The following RANBP9 variants were observed in gnomAD, a reference collection of about 807,000 sequenced individuals.
RANBP9 encodes ran-binding protein 9.
RANBP9 carries 15 observed loss-of-function variants against 84.3 expected under a neutral mutation model. That is an observed-to-expected ratio of 0.18 (90% CI 0.12 to 0.27). RANBP9 has a LOEUF of 0.27. Among genes scored for constraint, RANBP9 ranks in the 10% least tolerant of loss-of-function variants. RANBP9 has a pLI of 1.00. For missense variants in RANBP9, 809 were observed against 912.8 expected, an observed-to-expected ratio of 0.89 and a Z score of 1.46; for synonymous variants, 392 against 349.6, an observed-to-expected ratio of 1.12 and a Z score of -1.35.
chr6:13,648,055 C>T (rs1042602843), intron 5 of RANBP9, among the ~76,000 whole-genome samples: 7 of 151,204 alleles, frequency 4.6e-5, no homozygotes, highest in African/African-American at 7.3e-5. Flanking sequence ...CTGGCAACCA[C>T]TAATCTACTT....
intron 6 of RANBP9, 84 bp downstream of exon 6, chr6:13,644,461 A>G (rs766770159): frequency 1.2e-5 from 17 of 1,398,482 alleles, no homozygotes; most frequent in Non-Finnish European, 1.7e-5. Context: ...AGTGGATTAA[A>G]AAGCTTCTGT....
chr6:13,662,463 G>A (rs1014022887), intron 2 of RANBP9, among the ~76,000 whole-genome samples: 2 of 152,160 alleles, frequency 1.3e-5, no homozygotes, highest in East Asian at 1.9e-4. Flanking sequence ...CTGAATGCGT[G>A]TGTCCCCCAA....
At chr6:13,636,998 T>G (rs1322446148) in intron 10 of RANBP9, among the ~76,000 whole-genome samples, 1 of 152,108 alleles carries the variant, frequency 6.6e-6, no homozygotes, top group Non-Finnish European at 1.5e-5. Flanking sequence ...AACCAACTGG[T>G]TTGTTATAGA....
intron 2 of RANBP9, among the ~76,000 whole-genome samples, chr6:13,687,643 A>G (rs1183683299): frequency 2.6e-5 from 4 of 152,208 alleles, no homozygotes; most frequent in Non-Finnish European, 5.9e-5. Context: ...AATCAAGGAA[A>G]TAAAGACAGA....
At chr6:13,632,294 A>G in intron 12 of RANBP9, 76 bp downstream of exon 12, 2 of 1,460,044 alleles carry the variant, frequency 1.4e-6, no homozygotes, top group Non-Finnish European at 1.9e-6. Context: ...TTTCTGGTAC[A>G]CTGCTCAGTG....
intron 2 of RANBP9, among the ~76,000 whole-genome samples, chr6:13,686,427 G>C (rs1766191030): frequency 6.6e-6 from 1 of 151,866 alleles, no homozygotes; most frequent in Non-Finnish European, 1.5e-5. Context: ...CTGGGTACAG[G>C]AATGCGCCAC....
intron 2 of RANBP9, among the ~76,000 whole-genome samples, chr6:13,663,355 GAAAC>G (rs771146269): frequency 3.9e-5 from 6 of 151,988 alleles, no homozygotes; most frequent in Admixed American, 6.6e-5. Flanking sequence ...GAATAAAAGT[GAAAC>G]AAACACATTT....
At chr6:13,651,508 C>T (rs1273377413) in intron 5 of RANBP9, among the ~76,000 whole-genome samples, 6 of 151,972 alleles carry the variant, frequency 3.9e-5, no homozygotes, top group Non-Finnish European at 7.4e-5. Flanking sequence ...CATTCTCCTG[C>T]CTCAGCCTCC....
chr6:13,641,176 A>C (rs779582638), intron 8 of RANBP9, 23 bp downstream of exon 8: 2 of 1,290,906 alleles, frequency 1.5e-6, no homozygotes, highest in Admixed American at 4.3e-5. Context: ...TAACAAATAT[A>C]GCATTTTATT....
At chr6:13,674,487 G>A (rs371062145) in intron 2 of RANBP9, among the ~76,000 whole-genome samples, 7 of 152,160 alleles carry the variant, frequency 4.6e-5, no homozygotes, top group South Asian at 2.1e-4. Context: ...GTCAAGGGTC[G>A]TGATCAACTC....
At chr6:13,682,840 A>G (rs1766076855) in intron 2 of RANBP9, among the ~76,000 whole-genome samples, 1 of 152,242 alleles carries the variant, frequency 6.6e-6, no homozygotes, top group Admixed American at 6.5e-5. Flanking sequence ...GAGACTTTAA[A>G]ACTGATTTGG....
In RANBP9 at chr6:13,622,328, C is replaced by A; in HGVS notation, c.*34G>T. On this transcript the variant is annotated 3_prime_UTR_variant, in exon 14 of 14. Transcript: ENST00000011619. ...GGTCTACTTCCATGTTGACTATATGCCACAATATAAGTGTGAGCTCTTGAA... is the reference window on the plus strand; with the variant it reads ...GGTCTACTTCCATGTTGACTATATGACACAATATAAGTGTGAGCTCTTGAA... 6.8e-7 allele frequency: 1 copy of A among 1,467,528 alleles called. No homozygotes were observed. The highest frequency in any genetic ancestry group is 9.1e-7 in the Non-Finnish European group (1 of 1,102,868). The allele number at this position is 1,467,528 out of a possible 1,614,324, so 90.9% of individuals were successfully genotyped here. A position where few individuals can be genotyped will look rare whatever the true frequency, so the allele number is the denominator to read the frequency against.
chr6:13,658,756 A>G (rs766890114), intron 3 of RANBP9, 24 bp downstream of exon 3: 1 of 1,517,644 alleles, frequency 6.6e-7, no homozygotes, highest in East Asian at 2.3e-5. Context: ...AAGACATAAT[A>G]CTGTAATTCA....
intron 2 of RANBP9, among the ~76,000 whole-genome samples, chr6:13,682,960 G>C (rs1051626253): frequency 1.3e-5 from 2 of 152,152 alleles, no homozygotes; most frequent in Non-Finnish European, 2.9e-5. Flanking sequence ...CTAAAATCTA[G>C]GTGGTGTGTA....
intron 11 of RANBP9, 155 bp from the exon 12 acceptor site, chr6:13,632,676 A>G (rs1562297429): frequency 1.8e-5 from 13 of 702,944 alleles, no homozygotes; most frequent in Non-Finnish European, 3.0e-5. Context: ...TTTTAATATG[A>G]AACTGCAGCT....
intron 2 of RANBP9, among the ~76,000 whole-genome samples, chr6:13,677,643 A>G (rs544956868): frequency 2.1e-4 from 32 of 152,326 alleles, no homozygotes; most frequent in African/African-American, 7.2e-4. Context: ...GCACTTGTCT[A>G]TAATTCACAA....
intron 4 of RANBP9, among the ~76,000 whole-genome samples, chr6:13,656,345 C>A (rs1584926349): frequency 6.6e-6 from 1 of 151,498 alleles, no homozygotes; most frequent in East Asian, 1.9e-4. Flanking sequence ...AAGGTGAAAT[C>A]TTTTTTTATA....
At chr6:13,685,296 CA>C (rs1190168683) in intron 2 of RANBP9, among the ~76,000 whole-genome samples, 1 of 152,156 alleles carries the variant, frequency 6.6e-6, no homozygotes, top group Non-Finnish European at 1.5e-5. Context: ...GACTATGCCA[CA>C]GCCAAAAATA....
At chr6:13,676,513 C>A (rs1326413182) in intron 2 of RANBP9, among the ~76,000 whole-genome samples, 1 of 151,972 alleles carries the variant, frequency 6.6e-6, no homozygotes, top group Non-Finnish European at 1.5e-5. Flanking sequence ...GGGAAAACTG[C>A]AGACAAATAT....
Sources: allele counts gnomAD v4.1 joint callset (sites outside exome capture counted in the v4.1 genomes callset), GRCh38; gene constraint gnomAD v4.1.1; transcripts MANE v1.5; gene names NCBI Gene and HGNC (gene_info 2026-07-23, HGNC 2026-07-21).